The following ZPBP variants were observed in gnomAD, a reference collection of about 807,000 sequenced individuals.
The protein encoded by ZPBP is zona pellucida-binding protein 1.
Under a neutral mutation model 44.8 loss-of-function variants are expected in ZPBP, and 26 were observed. The observed-to-expected ratio is 0.58, with a 90% CI of 0.43 to 0.81. The LOEUF (loss-of-function observed/expected upper bound fraction) is 0.81, where lower values mean the gene tolerates loss of function less well. ZPBP is among the 30% of genes least tolerant of loss of function. The pLI, the probability that ZPBP is intolerant of heterozygous loss-of-function variation, is 0.00. For missense variants in ZPBP, 409 were observed against 434.0 expected (o/e 0.94, Z 0.51); for synonymous variants, 174 against 153.2 (o/e 1.14, Z -1.00).
rs560838539 is a variant in ZPBP, at chr7:50,007,965, G to A, written c.783+10275C>T. The stretch of plus-strand genomic sequence containing the variant: ...TTCCCACTAAGATTACAAATAAGAC[G>A]AAGATGCCTGATTTTGCCTCTTATT... On this transcript the variant is annotated intron_variant, in intron 6 of 7. Coordinates refer to ENST00000046087, the MANE Select transcript of ZPBP (RefSeq NM_007009.3). Among the ~76,000 whole-genome samples, 5 of 151,972 alleles carry A rather than the reference G, an allele frequency of 3.3e-5. 1 individual carries two copies. The highest frequency in any genetic ancestry group is 3.9e-4 in the East Asian group (2 of 5,174).
intron 2 of ZPBP, among the ~76,000 whole-genome samples, chr7:49,869,845 A>C (rs906266224): frequency 1.3e-4 from 20 of 152,266 alleles, no homozygotes; most frequent in African/African-American, 4.3e-4. Context: ...CAAAACGGGA[A>C]GCTTACTAGG....
In ZPBP at chr7:50,081,681, A is replaced by C. The variant is rs1008890274; in HGVS notation, c.334+93T>G. 2.0e-5 allele frequency: 29 copies of C among 1,448,320 alleles called. No homozygotes were observed. The African/African-American group carries it at 3.8e-4, about 19-fold the overall frequency. The allele number at this position is 1,448,320 out of a possible 1,614,324, so 89.7% of individuals were successfully genotyped here. A position where few individuals can be genotyped will look rare whatever the true frequency, so the allele number is the denominator to read the frequency against. On this transcript the variant is annotated intron_variant, in intron 3 of 7. Coordinates refer to ENST00000046087, the MANE Select transcript of ZPBP (RefSeq NM_007009.3). The stretch of plus-strand genomic sequence containing the variant: ...TCACAAGAAAAAGAATTGAGGAAAT[A>C]ACATAAATATGTATGAGATACAAAC...
intron 6 of ZPBP, among the ~76,000 whole-genome samples, chr7:50,000,455 A>T (rs1300706336): frequency 6.6e-6 from 1 of 152,190 alleles, no homozygotes; most frequent in African/African-American, 2.4e-5. Context: ...TTAAGTAGAG[A>T]TCTGCAATTA....
chr7:50,071,805 A>G (rs899446940), intron 3 of ZPBP, among the ~76,000 whole-genome samples: 3 of 152,070 alleles, frequency 2.0e-5, no homozygotes, highest in African/African-American at 7.2e-5. Context: ...AAAAAGACCC[A>G]GTCCTGGCAG....
At chr7:49,883,355 T>A (rs1373440980) in intron 2 of ZPBP, among the ~76,000 whole-genome samples, 3 of 151,896 alleles carry the variant, frequency 2.0e-5, no homozygotes, top group Admixed American at 2.0e-4. Flanking sequence ...AGCTTAAATA[T>A]AAAAATGGCT....
chr7:49,991,406 A>G (rs887635315), intron 6 of ZPBP, among the ~76,000 whole-genome samples: 12 of 152,198 alleles, frequency 7.9e-5, no homozygotes, highest in Admixed American at 3.9e-4. Flanking sequence ...TGAGAGCAAA[A>G]GCAAAGGAAT....
intron 4 of ZPBP, among the ~76,000 whole-genome samples, chr7:50,047,697 G>A (rs933191158): frequency 6.8e-6 from 1 of 146,994 alleles, no homozygotes; most frequent in Non-Finnish European, 1.5e-5. Flanking sequence ...GGCTACAACC[G>A]CTGCTTGAAG....
At chr7:49,927,086 A>C (rs1794264832) in intron 1 of ZPBP, among the ~76,000 whole-genome samples, 1 of 152,160 alleles carries the variant, frequency 6.6e-6, no homozygotes, top group Non-Finnish European at 1.5e-5. Context: ...CTGTGCTATT[A>C]CCAACCCCGC....
intron 7 of ZPBP, among the ~76,000 whole-genome samples, chr7:49,958,820 A>T (rs1795722216): frequency 6.6e-6 from 1 of 152,218 alleles, no homozygotes; most frequent in Admixed American, 6.5e-5. Context: ...TCAATCCTAT[A>T]GAAGCACTTT....
At chr7:50,054,142 C>T (rs1800819929) in intron 4 of ZPBP, among the ~76,000 whole-genome samples, 1 of 152,068 alleles carries the variant, frequency 6.6e-6, no homozygotes, top group Non-Finnish European at 1.5e-5. Flanking sequence ...CCACCCACCT[C>T]GGCCTCCCAA....
intron 3 of ZPBP, among the ~76,000 whole-genome samples, chr7:50,061,066 G>A (rs571587466): frequency 5.3e-5 from 8 of 152,112 alleles, no homozygotes; most frequent in Admixed American, 2.6e-4. Flanking sequence ...GAAATCACAC[G>A]ATCATCTCAA....
intron 3 of ZPBP, among the ~76,000 whole-genome samples, chr7:50,062,022 C>G (rs576252101): frequency 6.6e-6 from 1 of 152,200 alleles, no homozygotes; most frequent in Non-Finnish European, 1.5e-5. Flanking sequence ...CATTTCTATT[C>G]ACCAATAATA....
In ZPBP at chr7:49,902,214, C is replaced by T. The variant is rs1009834816; in HGVS notation, n.412-999G>A. The stretch of plus-strand genomic sequence containing the variant: ...CCTCCATTAAAATTAAAAATTTTTG[C>T]TCTCTGAAAGATGTTCTCAAAAGAA... On this transcript the variant is annotated intron_variant and non_coding_transcript_variant, in intron 1 of 2. Transcript: ENST00000465922. 2.0e-5 allele frequency among the ~76,000 whole-genome samples: 3 copies of T among 151,764 alleles called. No homozygotes were observed. In the East Asian group the frequency reaches 5.8e-4, roughly 29 times the overall value.
chr7:49,949,682 G>GA (rs749960037), intron 7 of ZPBP, among the ~76,000 whole-genome samples: 1 of 151,770 alleles, frequency 6.6e-6, no homozygotes, highest in Admixed American at 6.6e-5. Context: ...TCTAGAAGTT[G>GA]AAAAAAATTC....
chr7:49,898,170 G>C (rs943358613), intron 2 of ZPBP, among the ~76,000 whole-genome samples: 1 of 151,720 alleles, frequency 6.6e-6, no homozygotes, highest in Non-Finnish European at 1.5e-5. Flanking sequence ...TGCTTTATAT[G>C]TGTGTGTGTA....
In ZPBP at chr7:49,969,986, A is replaced by G. The variant is rs372897829; in HGVS notation, c.961+13356T>C. Among the ~76,000 whole-genome samples the G allele has an allele frequency of 1.3e-4, 19 of 150,448 alleles. 2 individuals are homozygous for G. In the East Asian group the frequency reaches 2.2e-3, roughly 17 times the overall value. On this transcript the variant is annotated intron_variant, in intron 7 of 7. Transcript: ENST00000046087. Reference sequence around the variant, plus strand: ...GTGATTCTCATGTCTCGGCTTCCCTAGTAGCTGGGATTACAGGCATGCACC... The same window carrying G: ...GTGATTCTCATGTCTCGGCTTCCCTGGTAGCTGGGATTACAGGCATGCACC...
At chr7:50,081,505 T>A (rs1472886) in intron 3 of ZPBP, among the ~76,000 whole-genome samples, 125,148 of 151,028 alleles carry the variant, frequency 0.83, 51,884 homozygotes, top group East Asian at 0.88. Context: ...ACAAACAGTA[T>A]TTTTTAAGTG....
chr7:49,985,117 G>A (rs1007651522), intron 6 of ZPBP, among the ~76,000 whole-genome samples: 3 of 152,158 alleles, frequency 2.0e-5, no homozygotes, highest in Non-Finnish European at 4.4e-5. Flanking sequence ...TCCAGCGTTG[G>A]TTCCCACCTT....
chr7:49,874,953 T>C (rs1791334584), intron 2 of ZPBP, among the ~76,000 whole-genome samples: 1 of 152,136 alleles, frequency 6.6e-6, no homozygotes, highest in Non-Finnish European at 1.5e-5. Context: ...CAGTTTTAAA[T>C]TGTGCAGAGG....
Sources: gnomAD v4.1 joint callset for allele counts (sites outside exome capture counted in the v4.1 genomes callset) on GRCh38, gnomAD v4.1.1 for gene constraint, MANE v1.5 for transcripts, NCBI Gene and HGNC (gene_info 2026-07-23, HGNC 2026-07-21) for gene names.